CCDC102B: variants seen among roughly 807,000 people sequenced by gnomAD.
The protein encoded by CCDC102B is coiled-coil domain containing 102B, also known as coiled-coil domain-containing protein 102B.
In CCDC102B, 75 loss-of-function variants were observed where a neutral mutation model predicts 57.4. That is an observed-to-expected ratio of 1.31 (90% confidence interval 1.08 to 1.58). The LOEUF is 1.58. CCDC102B is among the 40% of genes most tolerant of loss of function. The pLI, the probability that CCDC102B is intolerant of heterozygous loss-of-function variation, is 0.00. For missense variants in CCDC102B, 636 were observed against 582.6 expected, an observed-to-expected ratio of 1.09 and a Z score of -0.94; for synonymous variants, 206 against 201.9, an observed-to-expected ratio of 1.02 and a Z score of -0.17.
At position 68,967,642 on chromosome 18, in the gene CCDC102B, T is replaced by A. The variant is rs28683015; in HGVS notation, c.1264-43292T>A. Among the ~76,000 whole-genome samples the A allele has an allele frequency of 2.5e-3, 380 of 152,216 alleles. 1 individual carries two copies. Among genetic ancestry groups the A allele is most frequent in the African/African-American group, 8.4e-3 (349 of 41,550 alleles). On this transcript the variant is annotated intron_variant, in intron 6 of 7. Transcript: ENST00000360242. Reference sequence around the variant, plus strand: ...ATATTCCATAACCTCAAGAAGCATATCATATGTTGAAAAGATGTATGATTT... The same window carrying A: ...ATATTCCATAACCTCAAGAAGCATAACATATGTTGAAAAGATGTATGATTT...
chr18:68,927,289 T>C (rs1363684690), intron 6 of CCDC102B, among the ~76,000 whole-genome samples: 1 of 152,030 alleles, frequency 6.6e-6, no homozygotes, highest in Non-Finnish European at 1.5e-5. Context: ...AACACATTCA[T>C]AATGCTCGAC....
chr18:68,910,501 T>A (rs796200728), intron 6 of CCDC102B, among the ~76,000 whole-genome samples: 5 of 152,280 alleles, frequency 3.3e-5, no homozygotes, highest in African/African-American at 1.2e-4. Context: ...CAACCCCCTC[T>A]AAAGTTGCAA....
intron 6 of CCDC102B, among the ~76,000 whole-genome samples, chr18:68,912,556 T>C (rs905341764): frequency 2.6e-5 from 4 of 152,244 alleles, no homozygotes; most frequent in African/African-American, 9.6e-5. Context: ...CTAGCCTTTA[T>C]ATTTGCATTG....
At chr18:68,906,094 A>C (rs2040633500) in intron 6 of CCDC102B, among the ~76,000 whole-genome samples, 1 of 152,044 alleles carries the variant, frequency 6.6e-6, no homozygotes, top group Non-Finnish European at 1.5e-5. Flanking sequence ...CGCCCGGCCT[A>C]CGTCTGGCTT....
chr18:68,818,523 T>A (rs2036577923), intron 1 of CCDC102B, among the ~76,000 whole-genome samples: 1 of 152,202 alleles, frequency 6.6e-6, no homozygotes, highest in Admixed American at 6.5e-5. Context: ...GAAGCCTTCT[T>A]CATGCCTTCC....
chr18:69,037,911 G>A (rs1466492781), intron 7 of CCDC102B, among the ~76,000 whole-genome samples: 1 of 151,914 alleles, frequency 6.6e-6, no homozygotes, highest in Admixed American at 6.6e-5. Flanking sequence ...TAAACCAGAT[G>A]AGAGATTGTA....
At chr18:68,846,177 C>A in intron 3 of CCDC102B, 136 bp from the exon 4 acceptor site, 1 of 429,832 alleles carries the variant, frequency 2.3e-6, no homozygotes, top group Non-Finnish European at 4.1e-6. Context: ...TAATGAGTTG[C>A]AAAATGTTTT....
chr18:68,919,666 A>T (rs922049213), intron 6 of CCDC102B, among the ~76,000 whole-genome samples: 4 of 152,152 alleles, frequency 2.6e-5, no homozygotes, highest in Admixed American at 1.3e-4. Flanking sequence ...GGCTACAAAA[A>T]ACTTTTCTTT....
chr18:69,011,136 A>G (rs1311426290), intron 7 of CCDC102B, 32 bp downstream of exon 7: 2 of 1,586,212 alleles, frequency 1.3e-6, no homozygotes, highest in Admixed American at 1.7e-5. Context: ...CGTGCTGGAC[A>G]GCTTCTAAAT....
At chr18:68,922,885 C>T (rs2041334467) in intron 6 of CCDC102B, among the ~76,000 whole-genome samples, 1 of 152,080 alleles carries the variant, frequency 6.6e-6, no homozygotes, top group Non-Finnish European at 1.5e-5. Context: ...TAACTATAAT[C>T]TTGGGTATAA....
upstream of CCDC102B, among the ~76,000 whole-genome samples, chr18:68,793,490 C>G (rs1404086424): frequency 3.3e-5 from 5 of 152,076 alleles, no homozygotes; most frequent in Admixed American, 6.6e-5. Context: ...TCACTATATA[C>G]TTATTCAATA....
rs1041948608 is a variant in CCDC102B at position 68,856,470 on chromosome 18, A to T, written c.936+10049A>T. Among the ~76,000 whole-genome samples, 9 of 152,132 alleles carry T rather than the reference A, an allele frequency of 5.9e-5. No homozygotes were observed. The East Asian group carries it at 1.4e-3, about 23-fold the overall frequency. On this transcript the variant is annotated intron_variant, in intron 4 of 7. Transcript: ENST00000360242. The stretch of plus-strand genomic sequence containing the variant: ...CACAACTGGCTAATTTATAATTTTT[A>T]AAATTTTTGGAAAAGGGGTTTTCTC...
chr18:68,849,177 G>A (rs2038010935), intron 4 of CCDC102B, among the ~76,000 whole-genome samples: 1 of 151,970 alleles, frequency 6.6e-6, no homozygotes, highest in Non-Finnish European at 1.5e-5. Flanking sequence ...TAGAAAATTA[G>A]AATTACTAGT....
At chr18:69,022,222 T>TATATATATATATATATATATATAA (rs1395799223) in intron 7 of CCDC102B, among the ~76,000 whole-genome samples, 24 of 94,998 alleles carry the variant, frequency 2.5e-4, no homozygotes, top group Non-Finnish European at 4.4e-4. Flanking sequence ...TATATATATA[T>TATATATATATATATATATATATAA]AACACACACA....
In CCDC102B at chr18:68,798,180, G is replaced by A. The variant is rs1449050342; in HGVS notation, c.-17G>A. 2 of 152,108 alleles carry A rather than the reference G, an allele frequency of 1.3e-5. No individual in the cohort carries two copies. The highest frequency in any genetic ancestry group is 3.9e-4 in the East Asian group (2 of 5,190). 9.4% of individuals were successfully genotyped at this position (152,108 alleles called of 1,614,324 possible). A position where few individuals can be genotyped will look rare whatever the true frequency, so the allele number is the denominator to read the frequency against. ...ACTGGAGCAGCCCAGCAAGCCCAGA[G>A]GGTAAGAGTGTTTAATAACCTTGTG... On this transcript the variant is annotated splice_region_variant and 5_prime_UTR_variant, in exon 1 of 8. Transcript: ENST00000360242.
intron 6 of CCDC102B, among the ~76,000 whole-genome samples, chr18:68,926,889 T>C (rs1370224378): frequency 6.6e-6 from 1 of 152,008 alleles, no homozygotes; most frequent in Non-Finnish European, 1.5e-5. Flanking sequence ...GATTTACAAA[T>C]GTTTACCCTA....
chr18:68,799,861 T>C (rs1030124711), intron 1 of CCDC102B, among the ~76,000 whole-genome samples: 2 of 152,142 alleles, frequency 1.3e-5, no homozygotes, highest in Non-Finnish European at 2.9e-5. Context: ...TTGTACTCAA[T>C]ACATAGAACA....
chr18:68,867,571 C>A (rs1013025713), intron 4 of CCDC102B, among the ~76,000 whole-genome samples: 1 of 152,060 alleles, frequency 6.6e-6, no homozygotes, highest in Non-Finnish European at 1.5e-5. Flanking sequence ...TTAACACCTA[C>A]ACAGCATTAT....
At chr18:68,871,399 A>G (rs1462938253) in intron 4 of CCDC102B, among the ~76,000 whole-genome samples, 1 of 132,696 alleles carries the variant, frequency 7.5e-6, no homozygotes, top group African/African-American at 2.5e-5. Context: ...ACTGCTTTAA[A>G]TTTTTCAGCT....
Sources: allele counts gnomAD v4.1 joint callset (sites outside exome capture counted in the v4.1 genomes callset), GRCh38; gene constraint gnomAD v4.1.1; transcripts MANE v1.5; gene names NCBI Gene and HGNC (gene_info 2026-07-23, HGNC 2026-07-21).